The following ZNF445 variants were observed in gnomAD, a reference collection of about 807,000 sequenced individuals.
ZNF445 encodes the protein zinc finger protein 168.
ZNF445 carries 19 observed loss-of-function variants against 93.9 expected under a neutral mutation model. The ratio of observed to expected loss-of-function variants is 0.20; its 90% CI spans 0.14 to 0.30. ZNF445 has a LOEUF of 0.30. Among genes scored for constraint, ZNF445 ranks in the 10% least tolerant of loss-of-function variants. The pLI, the probability that ZNF445 is intolerant of heterozygous loss-of-function variation, is 1.00. For synonymous variants in ZNF445, 449 were observed against 446.3 expected (o/e 1.01, Z -0.08); for missense variants, 1,058 against 1,259.4 (o/e 0.84, Z 2.42).
At position 44,455,504 on chromosome 3, in the gene ZNF445, A is replaced by G. The variant is rs1698015991; in HGVS notation, c.46T>C (p.Ser16Pro). 1 of 1,611,194 alleles carries G rather than the reference A, an allele frequency of 6.2e-7. No individual in the cohort carries two copies. Among genetic ancestry groups the G allele is most frequent in the African/African-American group, 1.3e-5 (1 of 74,886 alleles). ...TGAAGCCGCCCTCGCTCCCTCGAAG[A>G]CTGGGCCTGAGCTGGATAGGCAGCA... ...WHAAYPAQAQ[S>P]SRERGRLQTV... Residue 16 changes from serine to proline, a missense_variant, in exon 3 of 8, where the codon TCT becomes CCT. Around this residue, in one of 3 missense-constraint regions of ZNF445, gnomAD observed 657 missense variants for 746.4 expected, o/e 0.88. Coordinates refer to ENST00000396077, the MANE Select transcript of ZNF445 (RefSeq NM_181489.6).
In ZNF445 at chr3:44,457,874, G is replaced by A. The variant is rs531406698; in HGVS notation, c.-148+370C>T. Among the ~76,000 whole-genome samples the A allele has an allele frequency of 6.6e-5, 10 of 152,062 alleles. No individual in the cohort carries two copies. The South Asian group carries it at 1.5e-3, about 22-fold the overall frequency. On this transcript the variant is annotated intron_variant, in intron 2 of 7. Transcript: ENST00000396077. ...AAAATACAAAAAAAATTAGCTGGGC[G>A]TGATGGCATGCGCCTGTAATCCCAG...
Position 44,442,888 on chromosome 3 carries a change from A to G in ZNF445, c.*3687T>C, listed in dbSNP as rs899379011. 6.6e-6 allele frequency: 1 copy of G among 152,216 alleles called. No homozygotes were observed. The highest frequency in any genetic ancestry group is 2.4e-5 in the African/African-American group (1 of 41,448). 9.4% of individuals were successfully genotyped at this position (152,216 alleles called of 1,614,324 possible). ...AAAAAAACCCAACCCTGACTCAGCCAAACTAAATTCAGCTTCAGATTCCTT... is the reference window on the plus strand; with the variant it reads ...AAAAAAACCCAACCCTGACTCAGCCGAACTAAATTCAGCTTCAGATTCCTT... On this transcript the variant is annotated 3_prime_UTR_variant, in exon 8 of 8. Transcript: ENST00000396077.
intron 1 of ZNF445, among the ~76,000 whole-genome samples, chr3:44,469,625 C>T (rs1698238681): frequency 6.6e-6 from 1 of 152,028 alleles, no homozygotes; most frequent in South Asian, 2.1e-4. Flanking sequence ...AAAAATTAGC[C>T]AGGCGTGGAG....
At chr3:44,448,939 G>T (rs908415386) in intron 7 of ZNF445, among the ~76,000 whole-genome samples, 200 bp from the exon 8 acceptor site, 1 of 152,158 alleles carries the variant, frequency 6.6e-6, no homozygotes. Flanking sequence ...AGATGGGCAG[G>T]GCAGCTAGAG....
intron 6 of ZNF445, 47 bp downstream of exon 6, chr3:44,450,400 A>C (rs1274296633): frequency 2.5e-6 from 4 of 1,613,304 alleles, no homozygotes; most frequent in Non-Finnish European, 3.4e-6. Context: ...CAACCCAAGA[A>C]GGCAGAAATA....
chr3:44,464,147 A>AC (rs1415352198), intron 1 of ZNF445, among the ~76,000 whole-genome samples: 6 of 151,300 alleles, frequency 4.0e-5, no homozygotes, highest in Non-Finnish European at 7.4e-5. Context: ...AAACAAACAA[A>AC]AAAAACAGCA....
At chr3:44,469,067 G>A (rs1444367824) in intron 1 of ZNF445, among the ~76,000 whole-genome samples, 3 of 150,942 alleles carry the variant, frequency 2.0e-5, no homozygotes, top group Non-Finnish European at 4.4e-5. Flanking sequence ...GCATTTTATA[G>A]GATGAAATAC....
In ZNF445 at chr3:44,448,298, T is replaced by C. The variant is rs781502909; in HGVS notation, c.1373A>G (p.Lys458Arg). 4 of 1,614,214 alleles carry C rather than the reference T, an allele frequency of 2.5e-6. No homozygotes were observed. The highest frequency in any genetic ancestry group is 1.1e-5 in the South Asian group (1 of 91,086). Residue 458 changes from lysine (K) to arginine (R), a missense_variant, in exon 8 of 8, where the codon AAA (lysine) becomes AGA (arginine). By Grantham distance (26) the Lys-to-Arg change is conservative. Coordinates refer to ENST00000396077, the MANE Select transcript of ZNF445 (RefSeq NM_181489.6). Reference protein sequence around the residue: ...QRIHSGLKGNKKDVCGKDFSL... With the variant: ...QRIHSGLKGNRKDVCGKDFSL... ...GAAGTCTTTTCCACACACGTCCTTTTTGTTCCCTTTCAGTCCACTATGAAT... is the reference window on the plus strand; with the variant it reads ...GAAGTCTTTTCCACACACGTCCTTTCTGTTCCCTTTCAGTCCACTATGAAT...
rs181235962 is a variant in ZNF445 at position 44,452,587 on chromosome 3, A to C, written c.430-1105T>G. Among the ~76,000 whole-genome samples the C allele has an allele frequency of 1.3e-3, 201 of 152,270 alleles. 5 individuals carry two copies. The highest frequency in any genetic ancestry group is 0.011 in the Admixed American group (170 of 15,300). ...GGTAGGCCCTTTCTGCTCATGTGGC[A>C]ATGTTTTCATGGATTTTTAAAATTA... On this transcript the variant is annotated intron_variant, in intron 3 of 7. Transcript: ENST00000396077.
chr3:44,435,215 C>T lies in ZNF445; in HGVS notation c.*11360G>A, dbSNP rs1007776847. ...CTACTTCTCTAACCTATAAATCTCTCTAAGCCTCATCTTTGGGGAGGTGAA... is the reference window on the plus strand; with the variant it reads ...CTACTTCTCTAACCTATAAATCTCTTTAAGCCTCATCTTTGGGGAGGTGAA... On this transcript the variant is annotated 3_prime_UTR_variant, in exon 8 of 8. Coordinates refer to ENST00000396077, the MANE Select transcript of ZNF445 (RefSeq NM_181489.6). 1.3e-5 allele frequency: 2 copies of T among 152,212 alleles called. No individual in the cohort carries two copies. Among genetic ancestry groups the T allele is most frequent in the African/African-American group, 4.8e-5 (2 of 41,460 alleles). 9.4% of individuals were successfully genotyped at this position (152,212 alleles called of 1,614,324 possible).
Position 44,438,618 on chromosome 3 carries a change from G to T in ZNF445, c.*7957C>A, listed in dbSNP as rs1251134442. 2 of 151,984 alleles carry T rather than the reference G, an allele frequency of 1.3e-5. No individual in the cohort carries two copies. Among genetic ancestry groups the T allele is most frequent in the African/African-American group, 4.8e-5 (2 of 41,360 alleles). 9.4% of individuals were successfully genotyped at this position (151,984 alleles called of 1,614,324 possible). ...GCCAAAAAAATAATTTTTTTAAAAG[G>T]ACTCCAGGCAATGATAGACTGGATT... On this transcript the variant is annotated 3_prime_UTR_variant, in exon 8 of 8. Coordinates refer to ENST00000396077, the MANE Select transcript of ZNF445 (RefSeq NM_181489.6).
At chr3:44,470,134 G>C (rs924469064) in intron 1 of ZNF445, among the ~76,000 whole-genome samples, 12 of 152,104 alleles carry the variant, frequency 7.9e-5, no homozygotes, top group African/African-American at 2.4e-4. Flanking sequence ...TGTTGCCCAG[G>C]CCAGTCTCAA....
chr3:44,463,012 TGTGTGTGTG>T (rs1698140459), intron 1 of ZNF445, among the ~76,000 whole-genome samples: 2 of 3,266 alleles, frequency 6.1e-4, no homozygotes, highest in Admixed American at 5.8e-3. Flanking sequence ...TTTTTTTCTT[TGTGTGTGTG>T]TGTGTGTGTG....
Position 44,432,775 on chromosome 3 carries a change from C to G in ZNF445, c.*13800G>C, listed in dbSNP as rs1262156256. 2.0e-5 allele frequency: 3 copies of G among 152,258 alleles called. No homozygotes were observed. The highest frequency in any genetic ancestry group is 2.9e-5 in the Non-Finnish European group (2 of 68,080). The allele number at this position is 152,258 out of a possible 1,614,324, so 9.4% of individuals were successfully genotyped here. ...CTCACACTCCAGTCCTCCAACATCCCAGCTTCCCTCTTACATCCCTGAATG... is the reference window on the plus strand; with the variant it reads ...CTCACACTCCAGTCCTCCAACATCCGAGCTTCCCTCTTACATCCCTGAATG... On this transcript the variant is annotated 3_prime_UTR_variant, in exon 8 of 8. Transcript: ENST00000396077.
Position 44,455,197 on chromosome 3 carries a change from T to G in ZNF445, c.353A>C (p.His118Pro). 6.2e-7 allele frequency: 1 copy of G among 1,614,206 alleles called. No homozygotes were observed. The highest frequency in any genetic ancestry group is 8.5e-7 in the Non-Finnish European group (1 of 1,180,042). ...PGELRVWVQLHNPESGEEAVA... is the reference protein window; with the variant it reads ...PGELRVWVQLPNPESGEEAVA... Reference sequence around the variant, plus strand: ...AGCCTCCTCGCCACTCTCAGGGTTATGAAGCTGCACCCAAACCCGGAGCTC... The same window carrying G: ...AGCCTCCTCGCCACTCTCAGGGTTAGGAAGCTGCACCCAAACCCGGAGCTC... Residue 118 changes from histidine (H) to proline (P), a missense_variant, in exon 3 of 8, where the codon CAT (histidine) becomes CCT (proline). Physicochemically the swap from His to Pro is moderately conservative, Grantham distance 77. Transcript: ENST00000396077.
Position 44,442,520 on chromosome 3 carries a change from G to T in ZNF445, c.*4055C>A, listed in dbSNP as rs1697825000. The T allele has an allele frequency of 6.6e-6, 1 of 152,222 alleles. No individual in the cohort carries two copies. Among genetic ancestry groups the T allele is most frequent in the South Asian group, 2.1e-4 (1 of 4,836 alleles). The allele number at this position is 152,222 out of a possible 1,614,324, so 9.4% of individuals were successfully genotyped here. A position where few individuals can be genotyped will look rare whatever the true frequency, so the allele number is the denominator to read the frequency against. Reference sequence around the variant, plus strand: ...GTGCCAGCTTTCTGAGTGTGAGATGGTCTGTATTATTTTACATTTCAGTCA... The same window carrying T: ...GTGCCAGCTTTCTGAGTGTGAGATGTTCTGTATTATTTTACATTTCAGTCA... On this transcript the variant is annotated 3_prime_UTR_variant, in exon 8 of 8. Coordinates refer to ENST00000396077, the MANE Select transcript of ZNF445 (RefSeq NM_181489.6).
chr3:44,440,325 GT>G lies in ZNF445; in HGVS notation c.*6249del, dbSNP rs1388408782. 6.6e-6 allele frequency: 1 copy of G among 152,138 alleles called. No homozygotes were observed. The highest frequency in any genetic ancestry group is 1.5e-5 in the Non-Finnish European group (1 of 68,012). 9.4% of individuals were successfully genotyped at this position (152,138 alleles called of 1,614,324 possible). ...ACTCTCCTTTTCCTCATCTAATAAA[GT>G]AGAATGAAAAACATCTCCATCTTCT... On this transcript the variant is annotated 3_prime_UTR_variant, in exon 8 of 8. Transcript: ENST00000396077.
chr3:44,434,949 A>C lies in ZNF445; in HGVS notation c.*11626T>G, dbSNP rs901635505. The C allele has an allele frequency of 5.3e-5, 8 of 152,186 alleles. No homozygotes were observed. The highest frequency in any genetic ancestry group is 3.2e-3 in the Middle Eastern group (1 of 316). 9.4% of individuals were successfully genotyped at this position (152,186 alleles called of 1,614,324 possible). A position where few individuals can be genotyped will look rare whatever the true frequency, so the allele number is the denominator to read the frequency against. Reference sequence around the variant, plus strand: ...GATAACATTTATAAGTCACCATAACAACCACTTATTTTTCAGGAACTTGGG... The same window carrying C: ...GATAACATTTATAAGTCACCATAACCACCACTTATTTTTCAGGAACTTGGG... On this transcript the variant is annotated 3_prime_UTR_variant, in exon 8 of 8. Coordinates refer to ENST00000396077, the MANE Select transcript of ZNF445 (RefSeq NM_181489.6).
intron 1 of ZNF445, among the ~76,000 whole-genome samples, chr3:44,469,331 C>T (rs1402513823): frequency 6.6e-6 from 1 of 152,074 alleles, no homozygotes; most frequent in Non-Finnish European, 1.5e-5. Flanking sequence ...TCGTGGCCAG[C>T]AGAACCACTC....
Sources: gnomAD v4.1 joint callset for allele counts (sites outside exome capture counted in the v4.1 genomes callset) on GRCh38, gnomAD v4.1.1 for gene constraint, gnomAD v4.1.1 regional missense constraint, MANE v1.5 for transcripts, NCBI Gene and HGNC (gene_info 2026-07-23, HGNC 2026-07-21) for gene names.